ACYP2: variants seen among roughly 807,000 people sequenced by gnomAD.
The protein encoded by ACYP2 is acylphosphatase 2.
Under a neutral mutation model 11.2 loss-of-function variants are expected in ACYP2, and 12 were observed. The observed-to-expected ratio is 1.08, with a 90% CI of 0.69 to 1.74. The LOEUF is 1.74. Among genes scored for constraint, ACYP2 ranks in the 40% most tolerant of loss-of-function variants. The pLI, the probability that ACYP2 is intolerant of heterozygous loss-of-function variation, is 0.00. For missense variants in ACYP2, 134 were observed against 101.9 expected (o/e 1.31, Z -1.35); for synonymous variants, 43 against 32.2 (o/e 1.33, Z -1.13).
rs1436338161 is a variant in ACYP2 at position 54,139,802 on chromosome 2, T to C, written c.404+1054T>C. Among the ~76,000 whole-genome samples, 3 of 152,216 alleles carry C rather than the reference T, an allele frequency of 2.0e-5. No individual in the cohort carries two copies. In the East Asian group the frequency reaches 5.8e-4, roughly 29 times the overall value. ...AACTTGTAATGTGTACTTTTCTGTC[T>C]ATTTCCCTCCCCTTTATTAACCTCT... On this transcript the variant is annotated intron_variant, in intron 6 of 6. Coordinates refer to ENST00000607452, the MANE Select transcript of ACYP2 (RefSeq NM_001320586.2).
At position 54,181,000 on chromosome 2, in the gene ACYP2, A is replaced by G. The variant is rs141818862; in HGVS notation, c.404+42252A>G. Among the ~76,000 whole-genome samples, 10 of 152,318 alleles carry G rather than the reference A, an allele frequency of 6.6e-5. No homozygotes were observed. In the East Asian group the frequency reaches 1.9e-3, roughly 29 times the overall value. On this transcript the variant is annotated intron_variant, in intron 6 of 6. Transcript: ENST00000607452. ...AAGATAGGAATTTTAGAGGGACATA[A>G]ACATTCAGACCATAGCAGATCTCTT...
At chr2:54,263,860 C>T (rs1054138145) in intron 6 of ACYP2, among the ~76,000 whole-genome samples, 1 of 152,010 alleles carries the variant, frequency 6.6e-6, no homozygotes, top group East Asian at 1.9e-4. Context: ...GAAGATATTA[C>T]AATCACTAGT....
At chr2:54,034,946 G>C (rs1209657658) in intron 2 of ACYP2, among the ~76,000 whole-genome samples, 1 of 144,922 alleles carries the variant, frequency 6.9e-6, no homozygotes, top group Non-Finnish European at 1.5e-5. Flanking sequence ...GGAGGCGGAG[G>C]TTGCAGTGAG....
intron 4 of ACYP2, among the ~76,000 whole-genome samples, chr2:54,090,996 G>A (rs567481915): frequency 2.3e-4 from 35 of 152,272 alleles, no homozygotes; most frequent in African/African-American, 3.1e-4. Flanking sequence ...CACAATGAAC[G>A]CTGACATAAT....
At chr2:54,279,427 CTTTTAT>C (rs1688749327) in intron 6 of ACYP2, among the ~76,000 whole-genome samples, 1 of 152,122 alleles carries the variant, frequency 6.6e-6, no homozygotes, top group Non-Finnish European at 1.5e-5. Flanking sequence ...ACTATCTGGC[CTTTTAT>C]TGAAAAAGTT....
At chr2:54,257,425 G>A (rs925708993) in intron 6 of ACYP2, among the ~76,000 whole-genome samples, 3 of 152,158 alleles carry the variant, frequency 2.0e-5, no homozygotes, top group African/African-American at 7.2e-5. Flanking sequence ...TAAATCATTG[G>A]CTACAGCTAG....
intron 2 of ACYP2, among the ~76,000 whole-genome samples, chr2:54,008,165 T>G (rs1673176759): frequency 6.6e-6 from 1 of 152,236 alleles, no homozygotes; most frequent in Admixed American, 6.5e-5. Flanking sequence ...CTCTGAGGCT[T>G]AATGCCTCTT....
chr2:54,201,104 C>A (rs1684733601), intron 6 of ACYP2, among the ~76,000 whole-genome samples: 1 of 135,616 alleles, frequency 7.4e-6, no homozygotes, highest in Non-Finnish European at 1.7e-5. Context: ...TGGGTTCTCT[C>A]TCTCTTTTTT....
intron 6 of ACYP2, among the ~76,000 whole-genome samples, chr2:54,268,884 A>G (rs1006368974): frequency 2.0e-5 from 3 of 152,160 alleles, no homozygotes. Context: ...TAAGTGACAT[A>G]TTCATGTCAT....
intron 6 of ACYP2, among the ~76,000 whole-genome samples, chr2:54,194,284 C>G (rs1289422817): frequency 6.6e-6 from 1 of 152,180 alleles, no homozygotes; most frequent in African/African-American, 2.4e-5. Flanking sequence ...AAGTGATCCA[C>G]CTGCCTTGGG....
rs768882230 is a variant in ACYP2, at chr2:54,005,342, A to ATT, written c.62+31546_62+31547dup. 4.8e-3 allele frequency among the ~76,000 whole-genome samples: 677 copies of ATT among 141,780 alleles called. 5 individuals carry two copies. Among genetic ancestry groups the ATT allele is most frequent in the Middle Eastern group, 0.011 (3 of 270 alleles). The allele number at this position is 141,780 out of a possible 152,430, so 93.0% of individuals were successfully genotyped here. ...CAGTTGACTCTGTTTATGAAAGTCT[A>ATT]TTTTTTTTTTTTTTTGAGACGGAGT... On this transcript the variant is annotated intron_variant, in intron 2 of 6. Coordinates refer to ENST00000607452, the MANE Select transcript of ACYP2 (RefSeq NM_001320586.2).
intron 5 of ACYP2, among the ~76,000 whole-genome samples, chr2:54,137,939 C>T (rs955272266): frequency 1.3e-5 from 2 of 152,132 alleles, no homozygotes; most frequent in Non-Finnish European, 2.9e-5. Flanking sequence ...ACCTGGCCAG[C>T]ATCTGTTATT....
At chr2:54,071,735 G>A (rs904772898) in intron 4 of ACYP2, among the ~76,000 whole-genome samples, 1 of 152,186 alleles carries the variant, frequency 6.6e-6, no homozygotes, top group Non-Finnish European at 1.5e-5. Flanking sequence ...GTTAGGCCGG[G>A]TGTGGTGGCT....
At chr2:54,121,039 A>G (rs182839514) in intron 4 of ACYP2, among the ~76,000 whole-genome samples, 19 of 152,290 alleles carry the variant, frequency 1.2e-4, no homozygotes, top group African/African-American at 4.3e-4. Flanking sequence ...TTTCACTCCT[A>G]TAGCTCGGCG....
At chr2:54,069,478 C>T (rs1005570995) in intron 4 of ACYP2, among the ~76,000 whole-genome samples, 7 of 151,894 alleles carry the variant, frequency 4.6e-5, no homozygotes, top group African/African-American at 1.5e-4. Flanking sequence ...TTTGCTAACA[C>T]GGTGAAACCC....
intron 6 of ACYP2, among the ~76,000 whole-genome samples, chr2:54,219,857 ATG>A (rs771365126): frequency 4.4e-4 from 18 of 41,036 alleles, no homozygotes; most frequent in East Asian, 2.3e-3. Context: ...GTGTATATAG[ATG>A]TGTGTGTGTG....
At chr2:53,993,636 G>C (rs960798673) in intron 2 of ACYP2, among the ~76,000 whole-genome samples, 12 of 151,618 alleles carry the variant, frequency 7.9e-5, no homozygotes, top group African/African-American at 2.9e-4. Flanking sequence ...GGCAGAGGAT[G>C]CAGTAAGCCA....
At chr2:54,285,329 C>G (rs368601132) in intron 6 of ACYP2, among the ~76,000 whole-genome samples, 16 of 152,368 alleles carry the variant, frequency 1.1e-4, no homozygotes, top group African/African-American at 3.8e-4. Context: ...TTCCTTCTGC[C>G]TCACTTGCTC....
Position 54,139,181 on chromosome 2 carries a change from C to G in ACYP2, c.404+433C>G, listed in dbSNP as rs565793875. 5.9e-5 allele frequency among the ~76,000 whole-genome samples: 9 copies of G among 152,302 alleles called. No homozygotes were observed. The East Asian group carries it at 1.7e-3, about 29-fold the overall frequency. ...TTTGTATGTCCTGTGGCATCTCCTCCAGCGTTAGGGAGATGTCCAGGGCCC... is the reference window on the plus strand; with the variant it reads ...TTTGTATGTCCTGTGGCATCTCCTCGAGCGTTAGGGAGATGTCCAGGGCCC... On this transcript the variant is annotated intron_variant, in intron 6 of 6. Transcript: ENST00000607452.
Sources: gnomAD v4.1 joint callset for allele counts (sites outside exome capture counted in the v4.1 genomes callset) on GRCh38, gnomAD v4.1.1 for gene constraint, MANE v1.5 for transcripts, NCBI Gene and HGNC (gene_info 2026-07-23, HGNC 2026-07-21) for gene names.